CALCRL: variants seen among roughly 807,000 people sequenced by gnomAD.
CALCRL encodes calcitonin receptor like receptor, also known as calcitonin gene-related peptide type 1 receptor.
CALCRL carries 27 observed loss-of-function variants against 60.4 expected under a neutral mutation model. The observed-to-expected ratio is 0.45, with a 90% confidence interval of 0.33 to 0.62. The LOEUF (loss-of-function observed/expected upper bound fraction) is 0.62. Among genes scored for constraint, CALCRL ranks in the 20% least tolerant of loss-of-function variants. CALCRL has a pLI of 0.03. For synonymous variants in CALCRL, 190 were observed against 182.6 expected (o/e 1.04, Z -0.33); for missense variants, 424 against 540.7 (o/e 0.78, Z 2.14).
intron 1 of CALCRL, among the ~76,000 whole-genome samples, chr2:187,445,698 T>G (rs1691148365): frequency 6.6e-6 from 1 of 151,552 alleles, no homozygotes; most frequent in African/African-American, 2.4e-5. Context: ...TCATTTTACC[T>G]TTATATTATT....
chr2:187,400,108 C>T lies in CALCRL; in HGVS notation c.-292-12352G>A, dbSNP rs1338954618. ...GAGAAGATTTTGAATGCTTTGAACA[C>T]AAAGAAACAATATAAGTTCGAGGTG... On this transcript the variant is annotated intron_variant, in intron 1 of 14. Coordinates refer to ENST00000392370, the MANE Select transcript of CALCRL (RefSeq NM_005795.6). 2.0e-5 allele frequency among the ~76,000 whole-genome samples: 3 copies of T among 151,292 alleles called. No homozygotes were observed. The East Asian group carries it at 5.8e-4, about 29-fold the overall frequency.
intron 4 of CALCRL, among the ~76,000 whole-genome samples, 164 bp downstream of exon 4, chr2:187,385,381 A>T (rs1688163194): frequency 6.6e-6 from 1 of 151,974 alleles, no homozygotes; most frequent in African/African-American, 2.4e-5. Context: ...TATACCTGTT[A>T]TAGGACTAAA....
chr2:187,363,719 A>G (rs898897499), intron 8 of CALCRL, among the ~76,000 whole-genome samples: 1 of 152,182 alleles, frequency 6.6e-6, no homozygotes, highest in Non-Finnish European at 1.5e-5. Flanking sequence ...AGAGGTAGAT[A>G]TACATAGGGA....
chr2:187,394,474 A>C (rs1391009671), intron 1 of CALCRL, among the ~76,000 whole-genome samples: 1 of 152,072 alleles, frequency 6.6e-6, no homozygotes, highest in Non-Finnish European at 1.5e-5. Context: ...CTAGGATAGA[A>C]AACTAATAAA....
At chr2:187,366,733 A>T (rs947292669) in intron 8 of CALCRL, among the ~76,000 whole-genome samples, 1 of 152,066 alleles carries the variant, frequency 6.6e-6, no homozygotes, top group South Asian at 2.1e-4. Flanking sequence ...CCTCTTGTAT[A>T]CAGTTAAAGG....
At chr2:187,434,282 G>C (rs1326124234) in intron 1 of CALCRL, among the ~76,000 whole-genome samples, 2 of 151,984 alleles carry the variant, frequency 1.3e-5, no homozygotes, top group African/African-American at 2.4e-5. Context: ...CTCTTAAATA[G>C]TTACAAGCAA....
At chr2:187,393,835 AT>A (rs765486797) in intron 1 of CALCRL, among the ~76,000 whole-genome samples, 1 of 152,028 alleles carries the variant, frequency 6.6e-6, no homozygotes, top group East Asian at 1.9e-4. Context: ...AGGAACAAGC[AT>A]TTTTTCAAGT....
chr2:187,395,531 G>A (rs1034078891), intron 1 of CALCRL, among the ~76,000 whole-genome samples: 14 of 152,140 alleles, frequency 9.2e-5, no homozygotes, highest in African/African-American at 2.4e-4. Context: ...TAAAAAATGC[G>A]TTTTAAATGA....
rs1686116883 is a variant in CALCRL at position 187,342,169 on chromosome 2, A to G, written c.*4015T>C. ...TCACATACTATATGATTACAATCATATGAAAGTCTAGAATAGGGAAATCTG... is the reference window on the plus strand; with the variant it reads ...TCACATACTATATGATTACAATCATGTGAAAGTCTAGAATAGGGAAATCTG... On this transcript the variant is annotated 3_prime_UTR_variant, in exon 15 of 15. Transcript: ENST00000392370. Among the ~76,000 whole-genome samples the G allele has an allele frequency of 1.3e-5, 2 of 151,850 alleles. No individual in the cohort carries two copies. The highest frequency in any genetic ancestry group is 3.0e-5 in the Non-Finnish European group (2 of 67,780).
At chr2:187,417,947 G>A (rs1689689448) in intron 1 of CALCRL, among the ~76,000 whole-genome samples, 1 of 152,124 alleles carries the variant, frequency 6.6e-6, no homozygotes, top group African/African-American at 2.4e-5. Context: ...AAAGTGTCAA[G>A]TGTTTACTTC....
intron 8 of CALCRL, among the ~76,000 whole-genome samples, chr2:187,363,989 G>A (rs911993920): frequency 4.6e-5 from 7 of 152,030 alleles, no homozygotes; most frequent in Non-Finnish European, 7.4e-5. Context: ...TACACAGACC[G>A]ATCTGGAAAA....
rs189165946 is a variant in CALCRL at position 187,392,348 on chromosome 2, A to G, written c.-292-4592T>C. On this transcript the variant is annotated intron_variant, in intron 1 of 14. Transcript: ENST00000392370. Reference sequence around the variant, plus strand: ...TCACTAAAAGTTGGCTAACAGAAGTACTTTCTACACATACTTAATTTGCCA... The same window carrying G: ...TCACTAAAAGTTGGCTAACAGAAGTGCTTTCTACACATACTTAATTTGCCA... Among the ~76,000 whole-genome samples, 22 of 152,274 alleles carry G rather than the reference A, an allele frequency of 1.4e-4. No individual in the cohort carries two copies. In the East Asian group the frequency reaches 4.2e-3, roughly 29 times the overall value.
intron 12 of CALCRL, among the ~76,000 whole-genome samples, chr2:187,353,388 A>G (rs1476388480): frequency 1.3e-5 from 2 of 152,020 alleles, no homozygotes; most frequent in African/African-American, 4.8e-5. Flanking sequence ...AATATAATTT[A>G]TATCCACACA....
At chr2:187,442,579 A>G (rs1031313535) in intron 1 of CALCRL, among the ~76,000 whole-genome samples, 1 of 151,898 alleles carries the variant, frequency 6.6e-6, no homozygotes, top group Non-Finnish European at 1.5e-5. Flanking sequence ...ATTAGGTGGC[A>G]GTAATAAGTT....
At chr2:187,389,067 T>C (rs1559056346) in intron 1 of CALCRL, among the ~76,000 whole-genome samples, 2 of 85,394 alleles carry the variant, frequency 2.3e-5, no homozygotes, top group East Asian at 1.2e-3. Context: ...TTACTTCTTC[T>C]TCTTTTTTTT....
intron 1 of CALCRL, among the ~76,000 whole-genome samples, chr2:187,433,280 T>C (rs887428236): frequency 1.3e-5 from 2 of 152,078 alleles, no homozygotes; most frequent in African/African-American, 4.8e-5. Context: ...ATGGTTCTTT[T>C]TTCATCCCAG....
chr2:187,408,524 A>G (rs983065135), intron 1 of CALCRL, among the ~76,000 whole-genome samples: 2 of 152,092 alleles, frequency 1.3e-5, no homozygotes, highest in Admixed American at 1.3e-4. Flanking sequence ...GATGATACAG[A>G]AGCCTAAATG....
At chr2:187,421,845 C>T (rs1180349754) in intron 1 of CALCRL, among the ~76,000 whole-genome samples, 1 of 152,192 alleles carries the variant, frequency 6.6e-6, no homozygotes, top group East Asian at 1.9e-4. Flanking sequence ...ACATTCTCAT[C>T]GTCGCAAGTT....
rs898842693 is a variant in CALCRL, at chr2:187,343,578, G to T, written c.*2606C>A. On this transcript the variant is annotated 3_prime_UTR_variant, in exon 15 of 15. Coordinates refer to ENST00000392370, the MANE Select transcript of CALCRL (RefSeq NM_005795.6). The stretch of plus-strand genomic sequence containing the variant: ...CAGAATGAATATTTTATGAATAAAT[G>T]CATTGGAAATTAACTTTAGGAAATA... 1 of 151,786 alleles carries T rather than the reference G, an allele frequency of 6.6e-6. No homozygotes were observed. The highest frequency in any genetic ancestry group is 2.1e-4 in the South Asian group (1 of 4,822). The allele number at this position is 151,786 out of a possible 1,614,324, so 9.4% of individuals were successfully genotyped here. A position where few individuals can be genotyped will look rare whatever the true frequency, so the allele number is the denominator to read the frequency against.
Sources: allele counts gnomAD v4.1 joint callset (sites outside exome capture counted in the v4.1 genomes callset), GRCh38; gene constraint gnomAD v4.1.1; transcripts MANE v1.5; gene names NCBI Gene and HGNC (gene_info 2026-07-23, HGNC 2026-07-21).